TRAPPC9: variants seen among roughly 807,000 people sequenced by gnomAD.
TRAPPC9 encodes the protein trafficking protein particle complex subunit 9.
A neutral mutation model predicts 124.0 loss-of-function variants in TRAPPC9; 83 were observed. That is an observed-to-expected ratio of 0.67 (90% confidence interval 0.56 to 0.80). TRAPPC9 has a LOEUF of 0.80. Ranked by LOEUF, TRAPPC9 falls within the 30% of genes least tolerant of loss-of-function variation. The pLI is 0.00. For synonymous variants in TRAPPC9, 638 were observed against 617.5 expected, an observed-to-expected ratio of 1.03 and a Z score of -0.49; for missense variants, 1,302 against 1,508.3, an observed-to-expected ratio of 0.86 and a Z score of 2.27.
rs192335860 is a variant in TRAPPC9 at position 139,838,719 on chromosome 8, C to G, written c.3055+47160G>C. Among the ~76,000 whole-genome samples, 3 of 152,316 alleles carry G rather than the reference C, an allele frequency of 2.0e-5. No individual in the cohort carries two copies. The East Asian group carries it at 5.8e-4, about 29-fold the overall frequency. ...CAGCCTCTGGGAGGAGGAGGAGCAG[C>G]CTCATGGAACACTCTTGACCGCATC... is the stretch of plus-strand genomic sequence containing the variant. On this transcript the variant is annotated intron_variant, in intron 21 of 22. Transcript: ENST00000438773.
In TRAPPC9 at chr8:140,374,050, G is replaced by A. The variant is rs988381111; in HGVS notation, c.1135-2870C>T. Reference sequence around the variant, plus strand: ...CAATCTATCAGCTTTTTCTTCTATGGTTAGTGCCTTCTATGTCCTCATCTG... The same window carrying A: ...CAATCTATCAGCTTTTTCTTCTATGATTAGTGCCTTCTATGTCCTCATCTG... On this transcript the variant is annotated intron_variant, in intron 7 of 22. Transcript: ENST00000438773. Among the ~76,000 whole-genome samples, 37 of 152,274 alleles carry A rather than the reference G, an allele frequency of 2.4e-4. 1 individual carries two copies. The highest frequency in any genetic ancestry group is 1.5e-3 in the Admixed American group (23 of 15,298).
intron 19 of TRAPPC9, among the ~76,000 whole-genome samples, chr8:139,920,009 T>C (rs1405209398): frequency 6.6e-6 from 1 of 152,264 alleles, no homozygotes; most frequent in East Asian, 1.9e-4. Context: ...TGTTCCTCAC[T>C]GAAAATTCTG....
rs1302782592 is a variant in TRAPPC9, at chr8:140,426,610, T to C, written c.886+5A>G. On this transcript the variant is annotated splice_donor_5th_base_variant and intron_variant, in intron 5 of 22. Transcript: ENST00000438773. ...CAAAAGAAACTAAACACATAGATCA[T>C]GTACCTGGATCAATGAGAACTTCCT... The C allele has an allele frequency of 6.2e-7, 1 of 1,613,666 alleles. No homozygotes were observed. Among genetic ancestry groups the C allele is most frequent in the Admixed American group, 1.7e-5 (1 of 60,006 alleles).
intron 17 of TRAPPC9, among the ~76,000 whole-genome samples, chr8:140,199,917 C>T (rs2062750635): frequency 6.6e-6 from 1 of 152,112 alleles, no homozygotes; most frequent in African/African-American, 2.4e-5. Context: ...GAACTGCATA[C>T]TACATACCCA....
chr8:140,246,960 G>A (rs534014322), intron 16 of TRAPPC9, among the ~76,000 whole-genome samples: 13 of 152,170 alleles, frequency 8.5e-5, no homozygotes, highest in Admixed American at 2.0e-4. Context: ...ACTCTAGCCC[G>A]GGCGATAGAG....
chr8:140,456,251 T>C (rs551680399), intron 1 of TRAPPC9, among the ~76,000 whole-genome samples: 8 of 151,668 alleles, frequency 5.3e-5, no homozygotes, highest in Non-Finnish European at 1.0e-4. Context: ...CTACTAAAAA[T>C]ACAAAAAAAA....
chr8:139,817,004 G>A (rs1201407675), intron 21 of TRAPPC9, among the ~76,000 whole-genome samples: 1 of 147,126 alleles, frequency 6.8e-6, no homozygotes, highest in African/African-American at 2.5e-5. Context: ...ATCCTTGTGA[G>A]CCATTTAAGT....
At chr8:139,893,823 C>A (rs1177533694) in intron 20 of TRAPPC9, among the ~76,000 whole-genome samples, 2 of 152,230 alleles carry the variant, frequency 1.3e-5, no homozygotes, top group East Asian at 3.9e-4. Context: ...GGGGACCGAG[C>A]CTCGGGAAGG....
At chr8:140,352,775 T>A (rs2067625226) in intron 9 of TRAPPC9, among the ~76,000 whole-genome samples, 1 of 152,140 alleles carries the variant, frequency 6.6e-6, no homozygotes, top group Non-Finnish European at 1.5e-5. Context: ...CAGCAGCACA[T>A]CTTGGAAAAG....
chr8:140,076,781 C>T (rs1389990839), intron 17 of TRAPPC9, among the ~76,000 whole-genome samples: 2 of 152,164 alleles, frequency 1.3e-5, no homozygotes, highest in Non-Finnish European at 2.9e-5. Context: ...AACTATCATG[C>T]GCCAGTTAAA....
At chr8:140,360,385 A>G (rs765722691) in intron 8 of TRAPPC9, among the ~76,000 whole-genome samples, 192 bp from the exon 9 acceptor site, 1 of 152,228 alleles carries the variant, frequency 6.6e-6, no homozygotes, top group Admixed American at 6.5e-5. Context: ...GTTTTCATAC[A>G]GCAAAAACAG....
chr8:140,348,777 G>C (rs1164102252), intron 9 of TRAPPC9, among the ~76,000 whole-genome samples: 2 of 152,172 alleles, frequency 1.3e-5, no homozygotes, highest in East Asian at 3.9e-4. Flanking sequence ...CCAAAAAGCT[G>C]AAGTGTACAT....
intron 17 of TRAPPC9, among the ~76,000 whole-genome samples, chr8:140,129,050 C>CA (rs1442197775): frequency 5.3e-5 from 8 of 150,344 alleles, no homozygotes; most frequent in Non-Finnish European, 1.2e-4. Context: ...GCTGCTCTGC[C>CA]AATGAGGTTG....
intron 17 of TRAPPC9, among the ~76,000 whole-genome samples, chr8:140,027,309 C>T (rs756954253): frequency 4.6e-5 from 7 of 152,216 alleles, no homozygotes; most frequent in Non-Finnish European, 1.0e-4. Context: ...CAGCATCTTT[C>T]TCAAAATGCA....
chr8:139,982,802 TATG>T (rs1242035621), intron 19 of TRAPPC9, among the ~76,000 whole-genome samples: 2 of 152,160 alleles, frequency 1.3e-5, no homozygotes, highest in South Asian at 2.1e-4. Flanking sequence ...CGCTAAGAAA[TATG>T]ATAAGAGTGG....
At chr8:140,086,213 A>G (rs1387130222) in intron 17 of TRAPPC9, among the ~76,000 whole-genome samples, 2 of 152,152 alleles carry the variant, frequency 1.3e-5, no homozygotes, top group Non-Finnish European at 2.9e-5. Flanking sequence ...TACCACAAAG[A>G]AAGTACAAGA....
At chr8:139,830,254 T>G (rs1457167018) in intron 21 of TRAPPC9, among the ~76,000 whole-genome samples, 1 of 149,690 alleles carries the variant, frequency 6.7e-6, no homozygotes, top group African/African-American at 2.5e-5. Flanking sequence ...ACACTACACA[T>G]GCACACACAT....
chr8:140,291,214 G>A (rs753893139), intron 11 of TRAPPC9, 136 bp from the exon 12 acceptor site: 28 of 801,126 alleles, frequency 3.5e-5, no homozygotes, highest in Non-Finnish European at 5.1e-5. Context: ...TGAGATGGGT[G>A]ATTCAAAGCT....
chr8:139,768,113 G>T (rs1820705305), intron 21 of TRAPPC9, among the ~76,000 whole-genome samples: 1 of 152,178 alleles, frequency 6.6e-6, no homozygotes, highest in Non-Finnish European at 1.5e-5. Context: ...GGGGGGATGG[G>T]CTAAATACTT....
Sources: gnomAD v4.1 joint callset for allele counts (sites outside exome capture counted in the v4.1 genomes callset) on GRCh38, gnomAD v4.1.1 for gene constraint, MANE v1.5 for transcripts, NCBI Gene and HGNC (gene_info 2026-07-23, HGNC 2026-07-21) for gene names.